ST7: variants seen among roughly 807,000 people sequenced by gnomAD.
ST7 encodes the protein suppression of tumorigenicity 7.
A neutral mutation model predicts 78.7 loss-of-function variants in ST7; 28 were observed. That is an observed-to-expected ratio of 0.36 (90% confidence interval 0.26 to 0.49). The LOEUF (loss-of-function observed/expected upper bound fraction) is 0.49. ST7 is among the 20% of genes least tolerant of loss of function. The probability of loss-of-function intolerance (pLI) is 0.99; values close to 1 mark genes in which losing one functional copy is unlikely to be tolerated. For missense variants in ST7, 418 were observed against 696.0 expected, an observed-to-expected ratio of 0.60 and a Z score of 4.49; for synonymous variants, 247 against 249.6, an observed-to-expected ratio of 0.99 and a Z score of 0.10.
At chr7:117,139,803 A>G (rs768241872) in intron 9 of ST7, among the ~76,000 whole-genome samples, 5 of 152,254 alleles carry the variant, frequency 3.3e-5, no homozygotes, top group Non-Finnish European at 5.9e-5. Flanking sequence ...TAATTTTAAG[A>G]AAAGGAGATT....
At chr7:117,049,539 A>G (rs894998097) in intron 1 of ST7, among the ~76,000 whole-genome samples, 2 of 152,168 alleles carry the variant, frequency 1.3e-5, no homozygotes, top group African/African-American at 4.8e-5. Flanking sequence ...CTCAAATCAT[A>G]CTATAGTCCA....
chr7:117,017,367 A>G lies in ST7; in HGVS notation c.151+63676A>G, dbSNP rs563384476. ...AATAGTTGTTGAGTGAATGCTTGATAGGCTTTCCTTTAAAAGTGACTGTTG... is the reference window on the plus strand; with the variant it reads ...AATAGTTGTTGAGTGAATGCTTGATGGGCTTTCCTTTAAAAGTGACTGTTG... On this transcript the variant is annotated intron_variant, in intron 1 of 15. Coordinates refer to ENST00000323984, the MANE Select transcript of ST7 (RefSeq NM_001369598.1). Among the ~76,000 whole-genome samples the G allele has an allele frequency of 2.6e-5, 4 of 152,342 alleles. No individual in the cohort carries two copies. In the East Asian group the frequency reaches 5.8e-4, roughly 22 times the overall value.
intron 1 of ST7, chr7:117,020,423 T>C (rs966187973): frequency 3.2e-6 from 2 of 633,020 alleles, no homozygotes; most frequent in East Asian, 2.8e-5. Flanking sequence ...GGGAGAAAAC[T>C]GAAGCTCGTA....
intron 1 of ST7, among the ~76,000 whole-genome samples, chr7:117,092,873 T>C (rs1035442713): frequency 7.9e-5 from 12 of 152,242 alleles, no homozygotes; most frequent in African/African-American, 2.7e-4. Flanking sequence ...TGGAAGGTAC[T>C]GTGGCCTTGA....
At chr7:117,172,386 A>G (rs1428263328) in intron 10 of ST7, among the ~76,000 whole-genome samples, 3 of 152,250 alleles carry the variant, frequency 2.0e-5, no homozygotes, top group Non-Finnish European at 4.4e-5. Context: ...TTTCTCAAAT[A>G]TATGGAAACG....
In ST7 at chr7:117,190,832, A is replaced by G; in HGVS notation, c.1152-2A>G. 1.2e-6 allele frequency: 2 copies of G among 1,613,576 alleles called. No homozygotes were observed. The highest frequency in any genetic ancestry group is 1.7e-6 in the Non-Finnish European group (2 of 1,179,800). On this transcript the variant is annotated splice_acceptor_variant, in intron 11 of 15. Transcript: ENST00000323984. LOFTEE classifies it high-confidence loss of function. This position sits in a 1 kb window ranked among gnomAD's most constrained non-coding sequence, Gnocchi z 5.2. ...GATGGTTTTTGTCTTTCTGCTTTTC[A>G]GATTCTCTCCTGAGGCTGCATCTCG...
chr7:116,975,422 T>C (rs962117757), intron 1 of ST7, among the ~76,000 whole-genome samples: 1 of 152,116 alleles, frequency 6.6e-6, no homozygotes, highest in Non-Finnish European at 1.5e-5. Context: ...CAATTTTTTT[T>C]TTTGAGATGG....
intron 1 of ST7, among the ~76,000 whole-genome samples, chr7:117,031,882 ATTTTTTTT>A (rs760153477): frequency 9.1e-6 from 1 of 110,346 alleles, no homozygotes; most frequent in Non-Finnish European, 1.8e-5. Context: ...ATATATATAT[ATTTTTTTT>A]TTTTTTTTGG....
intron 1 of ST7, among the ~76,000 whole-genome samples, chr7:117,001,642 T>C (rs1002033916): frequency 2.0e-5 from 3 of 152,256 alleles, no homozygotes; most frequent in South Asian, 2.1e-4. Context: ...TCTTATGTAA[T>C]TGTCATTGTA....
intron 2 of ST7, among the ~76,000 whole-genome samples, chr7:117,103,332 A>T (rs1263065577): frequency 6.6e-6 from 1 of 152,248 alleles, no homozygotes; most frequent in African/African-American, 2.4e-5. Flanking sequence ...TGGAGGCATC[A>T]CACTATCTGA....
In ST7 at chr7:117,008,816, G is replaced by A. The variant is rs544009182; in HGVS notation, c.151+55125G>A. On this transcript the variant is annotated intron_variant, in intron 1 of 15. Transcript: ENST00000323984. The stretch of plus-strand genomic sequence containing the variant: ...CAAATCAACCACAGTAAATATTGTT[G>A]AACAGGGTTTGGCAAACTGTAGCCC... Among the ~76,000 whole-genome samples the A allele has an allele frequency of 4.9e-4, 74 of 152,262 alleles. No individual in the cohort carries two copies. The South Asian group carries it at 0.015, about 31-fold the overall frequency.
chr7:117,100,919 A>G (rs1247710784), intron 2 of ST7, among the ~76,000 whole-genome samples: 1 of 152,188 alleles, frequency 6.6e-6, no homozygotes, highest in Non-Finnish European at 1.5e-5. Flanking sequence ...AAAATTTTAC[A>G]GAGTTGATGT....
intron 1 of ST7, among the ~76,000 whole-genome samples, chr7:116,999,070 A>G (rs887630169): frequency 1.3e-5 from 2 of 152,228 alleles, no homozygotes; most frequent in Non-Finnish European, 1.5e-5. Flanking sequence ...CAACCAGCCT[A>G]AGGTCCTAGA....
intron 1 of ST7, among the ~76,000 whole-genome samples, chr7:117,091,942 G>A (rs1435412478): frequency 2.6e-5 from 4 of 152,148 alleles, no homozygotes; most frequent in Admixed American, 6.5e-5. Context: ...AGTAATCATT[G>A]CTGTAGCACT....
chr7:117,166,115 G>T (rs1369368831), intron 9 of ST7, among the ~76,000 whole-genome samples: 2 of 151,594 alleles, frequency 1.3e-5, no homozygotes, highest in Non-Finnish European at 2.9e-5. Context: ...TATGAAGGAA[G>T]AAATAAAAAT....
chr7:117,121,176 T>C (rs543629096), intron 3 of ST7, among the ~76,000 whole-genome samples: 2 of 152,368 alleles, frequency 1.3e-5, no homozygotes, highest in African/African-American at 4.8e-5. Flanking sequence ...GTAGCAGTTA[T>C]CCACCACTGC....
rs532614044 is a variant in ST7 at position 117,067,358 on chromosome 7, C to G, written c.152-32404C>G. Reference sequence around the variant, plus strand: ...GGCACAATGACTAAGAAAACCAGAGCTTGACAGCATTTAAAGTAGTAAAAG... The same window carrying G: ...GGCACAATGACTAAGAAAACCAGAGGTTGACAGCATTTAAAGTAGTAAAAG... On this transcript the variant is annotated intron_variant, in intron 1 of 15. Transcript: ENST00000323984. Among the ~76,000 whole-genome samples, 9 of 152,108 alleles carry G rather than the reference C, an allele frequency of 5.9e-5. No homozygotes were observed. In the South Asian group the frequency reaches 1.7e-3, roughly 28 times the overall value.
At position 116,974,962 on chromosome 7, in the gene ST7, A is replaced by G. The variant is rs575983531; in HGVS notation, c.151+21271A>G. Among the ~76,000 whole-genome samples the G allele has an allele frequency of 4.6e-5, 7 of 152,340 alleles. No homozygotes were observed. The South Asian group carries it at 1.2e-3, about 27-fold the overall frequency. On this transcript the variant is annotated intron_variant, in intron 1 of 15. Coordinates refer to ENST00000323984, the MANE Select transcript of ST7 (RefSeq NM_001369598.1). Reference sequence around the variant, plus strand: ...GCACCCTAAGCACCTTGCTTGCCTCATCTCAATTCTGCCCTGATTATAAGT... The same window carrying G: ...GCACCCTAAGCACCTTGCTTGCCTCGTCTCAATTCTGCCCTGATTATAAGT...
intron 1 of ST7, among the ~76,000 whole-genome samples, chr7:117,049,957 T>C (rs1489664387): frequency 6.6e-6 from 1 of 151,500 alleles, no homozygotes; most frequent in Non-Finnish European, 1.5e-5. Flanking sequence ...CTGTAATCCC[T>C]GCACTTTGGG....
Sources: gnomAD v4.1 joint callset for allele counts (sites outside exome capture counted in the v4.1 genomes callset) on GRCh38, gnomAD v4.1.1 for gene constraint, Gnocchi (gnomAD v3.1) non-coding constraint, MANE v1.5 for transcripts, NCBI Gene and HGNC (gene_info 2026-07-23, HGNC 2026-07-21) for gene names.